The following SIK3 variants were observed in gnomAD, a reference collection of about 807,000 sequenced individuals.
The protein encoded by SIK3 is SIK family kinase 3, also known as serine/threonine-protein kinase SIK3.
SIK3 carries 28 observed loss-of-function variants against 144.2 expected under a neutral mutation model. That is an observed-to-expected ratio of 0.19 (90% CI 0.14 to 0.27). The LOEUF (loss-of-function observed/expected upper bound fraction) is 0.27. Ranked by LOEUF, SIK3 falls within the 10% of genes least tolerant of loss-of-function variation. SIK3 has a pLI of 1.00. For missense variants in SIK3, 1,319 were observed against 1,776.0 expected, an observed-to-expected ratio of 0.74 and a Z score of 4.62; for synonymous variants, 686 against 676.3, an observed-to-expected ratio of 1.01 and a Z score of -0.22.
intron 3 of SIK3, among the ~76,000 whole-genome samples, chr11:116,936,139 T>C (rs1240555963): frequency 2.0e-5 from 3 of 152,206 alleles, no homozygotes. Context: ...ATTTGAAAGA[T>C]ATCTAAATTT....
chr11:116,887,874 A>G (rs1023846609), intron 6 of SIK3, among the ~76,000 whole-genome samples: 3 of 152,232 alleles, frequency 2.0e-5, no homozygotes, highest in Non-Finnish European at 4.4e-5. Context: ...TTTTAAATGT[A>G]TGCCACTGTC....
At chr11:117,083,306 A>C (rs1211704350) in intron 1 of SIK3, among the ~76,000 whole-genome samples, 1 of 152,176 alleles carries the variant, frequency 6.6e-6, no homozygotes, top group African/African-American at 2.4e-5. Context: ...CATGCTTCAA[A>C]CAAGTTATTT....
intron 1 of SIK3, among the ~76,000 whole-genome samples, chr11:116,958,803 T>C (rs1042461144): frequency 6.6e-6 from 1 of 152,166 alleles, no homozygotes; most frequent in African/African-American, 2.4e-5. Flanking sequence ...CTACTTCTCC[T>C]CATTACTGCA....
chr11:117,044,285 T>TA (rs1952863431), intron 1 of SIK3, among the ~76,000 whole-genome samples: 1 of 152,182 alleles, frequency 6.6e-6, no homozygotes, highest in African/African-American at 2.4e-5. Context: ...ACTATGCTTC[T>TA]AAAAAAGTTT....
At chr11:116,997,494 C>A (rs1467493949) in intron 1 of SIK3, among the ~76,000 whole-genome samples, 1 of 152,196 alleles carries the variant, frequency 6.6e-6, no homozygotes, top group Non-Finnish European at 1.5e-5. Flanking sequence ...GTTCTTAAAT[C>A]ACAGTACTTA....
chr11:116,924,778 C>T (rs1477065392), intron 4 of SIK3, among the ~76,000 whole-genome samples: 2 of 152,188 alleles, frequency 1.3e-5, no homozygotes, highest in Admixed American at 6.5e-5. Context: ...GTGTCCTCTG[C>T]TATCCAGGTG....
chr11:116,915,604 G>GTA (rs1946591680), intron 4 of SIK3, among the ~76,000 whole-genome samples: 1 of 152,064 alleles, frequency 6.6e-6, no homozygotes, highest in Admixed American at 6.5e-5. Flanking sequence ...TGTAAAAAAT[G>GTA]TATATACATG....
chr11:117,058,469 G>A (rs1404875735), intron 1 of SIK3, among the ~76,000 whole-genome samples: 18 of 146,268 alleles, frequency 1.2e-4, no homozygotes, highest in African/African-American at 4.4e-4. Flanking sequence ...GCAGTGAGCC[G>A]AGATCACACC....
At chr11:116,981,532 T>A (rs530914690) in intron 1 of SIK3, among the ~76,000 whole-genome samples, 4 of 152,332 alleles carry the variant, frequency 2.6e-5, no homozygotes, top group South Asian at 4.1e-4. Flanking sequence ...CAGAAAAAGA[T>A]TCTACTTCTT....
intron 1 of SIK3, among the ~76,000 whole-genome samples, chr11:116,968,022 C>A (rs1949623052): frequency 6.6e-6 from 1 of 152,306 alleles, no homozygotes; most frequent in Non-Finnish European, 1.5e-5. Flanking sequence ...TCAAGTCAAA[C>A]AAATGTTATT....
Position 116,875,426 on chromosome 11 carries a change from T to G in SIK3, c.1265A>C (p.Asn422Thr), listed in dbSNP as rs747870012. 3.1e-6 allele frequency: 5 copies of G among 1,614,070 alleles called. No individual in the cohort carries two copies. Among genetic ancestry groups the G allele is most frequent in the Non-Finnish European group, 3.4e-6 (4 of 1,180,036 alleles). Residue 422 changes from asparagine (N) to threonine (T), a missense_variant, in exon 10 of 25, where the codon AAC becomes ACC. Asn to Thr is a moderately conservative substitution (Grantham distance 65). This residue lies in a region of SIK3 where 109 missense variants were observed against 109.3 expected (regional missense o/e 1.00). Coordinates refer to ENST00000445177, the MANE Select transcript of SIK3 (RefSeq NM_001366686.3). ...IQAEQAGTAMNISVPQVQLIN... is the reference protein window; with the variant it reads ...IQAEQAGTAMTISVPQVQLIN... ...CAGCTGCACCTGGGGAACGCTGATG[T>G]TCATAGCAGTACCTGCCTGCTCCGC... is the stretch of plus-strand genomic sequence containing the variant.
At chr11:116,919,751 T>C (rs995083373) in intron 4 of SIK3, among the ~76,000 whole-genome samples, 3 of 152,236 alleles carry the variant, frequency 2.0e-5, no homozygotes, top group Non-Finnish European at 2.9e-5. Flanking sequence ...ATTTTTTTGA[T>C]AGCTTAATAT....
At position 116,849,340 on chromosome 11, in the gene SIK3, A is replaced by C; in HGVS notation, c.3656-57T>G. The C allele has an allele frequency of 6.3e-7, 1 of 1,599,834 alleles. No homozygotes were observed. Among genetic ancestry groups the C allele is most frequent in the African/African-American group, 1.3e-5 (1 of 74,612 alleles). ...GGCGGAACTTCTCCCAGCACTGGAAACTCCCATCCAAGAAATGTCTTGCAA... is the reference window on the plus strand; with the variant it reads ...GGCGGAACTTCTCCCAGCACTGGAACCTCCCATCCAAGAAATGTCTTGCAA... On this transcript the variant is annotated intron_variant, in intron 21 of 24. Transcript: ENST00000445177. This position sits in a 1 kb window ranked among gnomAD's most constrained non-coding sequence, Gnocchi z 4.2.
chr11:117,028,312 A>T (rs1289471608), intron 1 of SIK3, among the ~76,000 whole-genome samples: 3 of 152,194 alleles, frequency 2.0e-5, no homozygotes, highest in African/African-American at 4.8e-5. Context: ...CTACTCAAGA[A>T]ATATTTATTA....
intron 1 of SIK3, among the ~76,000 whole-genome samples, chr11:117,080,192 T>A (rs989624888): frequency 6.6e-6 from 1 of 152,134 alleles, no homozygotes; most frequent in Non-Finnish European, 1.5e-5. Flanking sequence ...AATAATAAAA[T>A]GACATTTTTT....
intron 1 of SIK3, among the ~76,000 whole-genome samples, chr11:117,087,388 A>T (rs1214142833): frequency 6.6e-6 from 1 of 152,182 alleles, no homozygotes; most frequent in East Asian, 1.9e-4. Flanking sequence ...GGTTGCAGTG[A>T]GCCGAGATCG....
intron 1 of SIK3, among the ~76,000 whole-genome samples, chr11:117,059,756 C>T (rs920238584): frequency 1.3e-5 from 2 of 152,132 alleles, no homozygotes; most frequent in Non-Finnish European, 1.5e-5. Flanking sequence ...TGAAAAGATG[C>T]TAAACATCAT....
At chr11:116,931,095 C>T (rs61907594) in intron 3 of SIK3, among the ~76,000 whole-genome samples, 24,499 of 152,188 alleles carry the variant, frequency 0.16, 2,085 homozygotes, top group Admixed American at 0.21. Context: ...CATGACTTGG[C>T]ATTGGTCTTC....
At chr11:117,023,256 C>T (rs558172283) in intron 1 of SIK3, among the ~76,000 whole-genome samples, 3 of 152,188 alleles carry the variant, frequency 2.0e-5, no homozygotes, top group East Asian at 1.9e-4. Context: ...CTCACCACCC[C>T]CAAAGCACAG....
Sources: allele counts gnomAD v4.1 joint callset (sites outside exome capture counted in the v4.1 genomes callset), GRCh38; gene constraint gnomAD v4.1.1; regional missense constraint gnomAD v4.1.1; non-coding constraint Gnocchi (gnomAD v3.1); transcripts MANE v1.5; gene names NCBI Gene and HGNC (gene_info 2026-07-23, HGNC 2026-07-21).